LINGO1: variants seen among roughly 807,000 people sequenced by gnomAD.
LINGO1 encodes the protein leucine rich repeat and Ig domain containing 1.
A neutral mutation model predicts 37.3 loss-of-function variants in LINGO1; 11 were observed. The ratio of observed to expected loss-of-function variants is 0.29; its 90% confidence interval spans 0.19 to 0.49. LINGO1 has a LOEUF of 0.49. Among genes scored for constraint, LINGO1 ranks in the 20% least tolerant of loss-of-function variants. The pLI is 0.99. For missense variants in LINGO1, 585 were observed against 878.2 expected, an observed-to-expected ratio of 0.67 and a Z score of 4.22; for synonymous variants, 387 against 403.0, an observed-to-expected ratio of 0.96 and a Z score of 0.48.
chr15:77,676,102 A>T (rs763508554), intron 3 of LINGO1, among the ~76,000 whole-genome samples: 1 of 152,234 alleles, frequency 6.6e-6, no homozygotes, highest in Non-Finnish European at 1.5e-5. Flanking sequence ...AAAGACCAGG[A>T]CTACTGCCCC....
chr15:77,676,584 C>T (rs964854670), intron 3 of LINGO1, among the ~76,000 whole-genome samples: 6 of 152,144 alleles, frequency 3.9e-5, no homozygotes, highest in South Asian at 4.1e-4. Context: ...GAGACAGGCT[C>T]GCTCCGGGTG....
intron 3 of LINGO1, among the ~76,000 whole-genome samples, chr15:77,646,033 C>G (rs2074619417): frequency 6.6e-6 from 1 of 152,210 alleles, no homozygotes; most frequent in Non-Finnish European, 1.5e-5. Flanking sequence ...GTGTCTGCCT[C>G]ATTTAGAGGC....
At chr15:77,764,559 C>G (rs1053616076) in intron 1 of LINGO1, among the ~76,000 whole-genome samples, 3 of 152,110 alleles carry the variant, frequency 2.0e-5, no homozygotes, top group East Asian at 3.9e-4. Flanking sequence ...AGAAGAGGAG[C>G]GCTGAAGGGC....
At chr15:77,779,230 A>G (rs1332493810) in intron 1 of LINGO1, among the ~76,000 whole-genome samples, 1 of 151,926 alleles carries the variant, frequency 6.6e-6, no homozygotes, top group African/African-American at 2.4e-5. Flanking sequence ...AACACAGTAC[A>G]TATTTTGCTT....
chr15:77,622,748 G>A (rs1011592971), intron 1 of LINGO1, among the ~76,000 whole-genome samples: 2 of 152,182 alleles, frequency 1.3e-5, no homozygotes, highest in Admixed American at 6.5e-5. Flanking sequence ...GGACTGTGAC[G>A]GTCACCCCAG....
chr15:77,713,621 ACACACACGCG>A (rs1014727176), intron 2 of LINGO1, among the ~76,000 whole-genome samples: 11 of 151,988 alleles, frequency 7.2e-5, no homozygotes, highest in African/African-American at 2.4e-4. Flanking sequence ...ACACTTACAT[ACACACACGCG>A]CACACACACA....
At chr15:77,766,352 T>C (rs1459460220) in intron 1 of LINGO1, among the ~76,000 whole-genome samples, 1 of 89,918 alleles carries the variant, frequency 1.1e-5, no homozygotes, top group African/African-American at 4.5e-5. Flanking sequence ...AGAAAAGAAA[T>C]GGGCAATGCA....
In LINGO1 at chr15:77,808,013, A is replaced by C. The variant is rs186264066; in HGVS notation, c.-457-11960T>G. Among the ~76,000 whole-genome samples the C allele has an allele frequency of 2.7e-3, 406 of 152,180 alleles. 2 individuals carry two copies. The highest frequency in any genetic ancestry group is 9.3e-3 in the African/African-American group (387 of 41,522). On this transcript the variant is annotated intron_variant, in intron 1 of 5. Transcript: ENST00000562933. ...TAGGAGGCAGGGAATGGGGTGGAAA[A>C]AATCAAAGATAAGGAGATGAGCCTT... is the stretch of plus-strand genomic sequence containing the variant.
chr15:77,774,008 G>C (rs1302222357), intron 1 of LINGO1, among the ~76,000 whole-genome samples: 4 of 152,126 alleles, frequency 2.6e-5, no homozygotes, highest in Non-Finnish European at 5.9e-5. Flanking sequence ...AGCAGCAGTT[G>C]CAAGTCCCCA....
chr15:77,797,465 T>TG (rs1231731457), intron 1 of LINGO1, among the ~76,000 whole-genome samples: 1 of 152,082 alleles, frequency 6.6e-6, no homozygotes, highest in Non-Finnish European at 1.5e-5. Context: ...GATGTGTGCT[T>TG]GGGGAGCATT....
At chr15:77,708,719 C>G (rs1266872404) in intron 2 of LINGO1, among the ~76,000 whole-genome samples, 2 of 152,166 alleles carry the variant, frequency 1.3e-5, no homozygotes, top group Admixed American at 1.3e-4. Context: ...TCGAGACCAG[C>G]CTGGCCAACA....
At chr15:77,641,815 C>A (rs2074513156) in intron 3 of LINGO1, 1 of 455,212 alleles carries the variant, frequency 2.2e-6, no homozygotes, top group Non-Finnish European at 4.4e-6. Context: ...AGCAGCTGGA[C>A]AAACCTGCGA....
rs1348560225 is a variant in LINGO1 at position 77,671,032 on chromosome 15, G to A, written c.-13+6057C>T. Among the ~76,000 whole-genome samples, 6 of 152,188 alleles carry A rather than the reference G, an allele frequency of 3.9e-5. No homozygotes were observed. In the South Asian group the frequency reaches 1.0e-3, roughly 26 times the overall value. On this transcript the variant is annotated intron_variant, in intron 3 of 3. Coordinates refer to the LINGO1 transcript ENST00000559893. ...TCAGGCTTCCCAGGCACCAGGCACAGTTCCTCCCCTCCCAAAAGCCTTACT... is the reference window on the plus strand; with the variant it reads ...TCAGGCTTCCCAGGCACCAGGCACAATTCCTCCCCTCCCAAAAGCCTTACT...
chr15:77,742,040 T>C (rs1166893147), intron 1 of LINGO1, among the ~76,000 whole-genome samples: 1 of 152,096 alleles, frequency 6.6e-6, no homozygotes, highest in Non-Finnish European at 1.5e-5. Context: ...TCACCCTCTG[T>C]GCCCAGGAGC....
At chr15:77,763,756 T>C (rs1276960366) in intron 1 of LINGO1, among the ~76,000 whole-genome samples, 1 of 152,182 alleles carries the variant, frequency 6.6e-6, no homozygotes, top group Non-Finnish European at 1.5e-5. Context: ...GTCCAGAGCC[T>C]GCCTGAGGGT....
chr15:77,703,541 A>G lies in LINGO1; in HGVS notation c.-194-12640T>C, dbSNP rs150373250. 2.0e-4 allele frequency among the ~76,000 whole-genome samples: 30 copies of G among 152,266 alleles called. No homozygotes were observed. The East Asian group carries it at 5.8e-3, about 29-fold the overall frequency. On this transcript the variant is annotated intron_variant, in intron 2 of 3. Coordinates refer to the LINGO1 transcript ENST00000561686. The stretch of plus-strand genomic sequence containing the variant: ...ATAAGGTGTCCAGGCCTACAGCAGG[A>G]GGGGTGGCAATCTTCCCACCACTTC...
chr15:77,801,711 C>T (rs542806455), intron 1 of LINGO1, among the ~76,000 whole-genome samples: 3 of 152,230 alleles, frequency 2.0e-5, no homozygotes, highest in Admixed American at 2.0e-4. Context: ...AGTCCCAGCC[C>T]CACCCTCGTA....
rs571976890 is a variant in LINGO1, at chr15:77,616,018, G to C, written c.7-118C>G. The C allele has an allele frequency of 2.2e-5, 15 of 673,962 alleles. 1 individual carries two copies. The South Asian group carries it at 4.5e-4, about 20-fold the overall frequency. The allele number at this position is 673,962 out of a possible 1,614,324, so 41.7% of individuals were successfully genotyped here. A position where few individuals can be genotyped will look rare whatever the true frequency, so the allele number is the denominator to read the frequency against. Reference sequence around the variant, plus strand: ...TGTCACGATGACCCTGATGCAGATAGAGAGGCAGGGTCCAGATGCCCAGGC... The same window carrying C: ...TGTCACGATGACCCTGATGCAGATACAGAGGCAGGGTCCAGATGCCCAGGC... On this transcript the variant is annotated intron_variant, in intron 1 of 1. Transcript: ENST00000355300.
intron 1 of LINGO1, among the ~76,000 whole-genome samples, chr15:77,626,113 G>C (rs905442409): frequency 7.9e-5 from 12 of 152,064 alleles, no homozygotes; most frequent in Non-Finnish European, 1.8e-4. Flanking sequence ...AGGAAACTGA[G>C]GCCCAGGAGC....
Sources: gnomAD v4.1 joint callset for allele counts (sites outside exome capture counted in the v4.1 genomes callset) on GRCh38, gnomAD v4.1.1 for gene constraint, MANE v1.5 for transcripts, NCBI Gene and HGNC (gene_info 2026-07-23, HGNC 2026-07-21) for gene names.